Variants in UBE4B observed in about 807,000 individuals in gnomAD.
The protein encoded by UBE4B is ubiquitination factor E4B, also known as ubiquitin conjugation factor E4 B.
UBE4B carries 27 observed loss-of-function variants against 148.1 expected under a neutral mutation model. That is an observed-to-expected ratio of 0.18 (90% confidence interval 0.13 to 0.25). UBE4B has a LOEUF of 0.25. Among genes scored for constraint, UBE4B ranks in the 10% least tolerant of loss-of-function variants. The probability of loss-of-function intolerance (pLI) is 1.00; values close to 1 mark genes in which losing one functional copy is unlikely to be tolerated. For synonymous variants in UBE4B, 596 were observed against 619.3 expected (o/e 0.96, Z 0.56); for missense variants, 1,170 against 1,662.4 (o/e 0.70, Z 5.15).
At chr1:10,066,203 A>G (rs538433428) in intron 1 of UBE4B, among the ~76,000 whole-genome samples, 68 of 151,554 alleles carry the variant, frequency 4.5e-4, no homozygotes, top group Middle Eastern at 6.8e-3. Context: ...TGGTATAATC[A>G]TAGCTCGCTT....
At chr1:10,113,878 A>G (rs770848444) in intron 7 of UBE4B, among the ~76,000 whole-genome samples, 2 of 152,142 alleles carry the variant, frequency 1.3e-5, no homozygotes, top group Non-Finnish European at 2.9e-5. Context: ...CATCCTGGCC[A>G]ACATGGTGAA....
At chr1:10,087,038 A>G (rs1557541117) in intron 2 of UBE4B, among the ~76,000 whole-genome samples, 1 of 152,198 alleles carries the variant, frequency 6.6e-6, no homozygotes, top group African/African-American at 2.4e-5. Flanking sequence ...TGTTGTGGTA[A>G]CAAGGCAAAT....
intron 2 of UBE4B, among the ~76,000 whole-genome samples, chr1:10,091,780 A>G (rs1473472141): frequency 6.6e-6 from 1 of 151,960 alleles, no homozygotes; most frequent in African/African-American, 2.4e-5. Context: ...TAATTTTTGT[A>G]TTTTAGTAGA....
Position 10,105,652 on chromosome 1 carries a change from A to G in UBE4B, c.717A>G (p.Pro239=). Residue 239 remains proline (P), a synonymous_variant, in exon 6 of 28, where the codon CCA becomes CCG. Coordinates refer to ENST00000343090, the MANE Select transcript of UBE4B (RefSeq NM_001105562.3). The part of the protein sequence containing the change: ...SQPIAAAARS[P]DRNLLLNTGS... ...CAATTGCTGCAGCAGCACGGTCACC[A>G]GACAGAAATCTCTTGCTAAACACTG... 1 of 1,614,220 alleles carries G rather than the reference A, an allele frequency of 6.2e-7. No homozygotes were observed. Among genetic ancestry groups the G allele is most frequent in the Non-Finnish European group, 8.5e-7 (1 of 1,180,040 alleles).
At chr1:10,174,870 A>C (rs1157441175) in intron 25 of UBE4B, among the ~76,000 whole-genome samples, 1 of 152,028 alleles carries the variant, frequency 6.6e-6, no homozygotes, top group African/African-American at 2.4e-5. Context: ...GTGCAGAAGG[A>C]TGGATGGTTG....
Position 10,074,779 on chromosome 1 carries a change from G to C in UBE4B, c.211+2565G>C, listed in dbSNP as rs571879623. ...GACTTCTAAATGTTAGGATTCAAGGGCTCAATATTTAACCTCTTGTCCTTT... is the reference window on the plus strand; with the variant it reads ...GACTTCTAAATGTTAGGATTCAAGGCCTCAATATTTAACCTCTTGTCCTTT... On this transcript the variant is annotated intron_variant, in intron 2 of 27. Coordinates refer to ENST00000343090, the MANE Select transcript of UBE4B (RefSeq NM_001105562.3). 2.6e-5 allele frequency among the ~76,000 whole-genome samples: 4 copies of C among 152,220 alleles called. No homozygotes were observed. In the South Asian group the frequency reaches 8.3e-4, roughly 32 times the overall value.
At chr1:10,156,828 T>C (rs1373961016) in intron 21 of UBE4B, among the ~76,000 whole-genome samples, 2 of 152,194 alleles carry the variant, frequency 1.3e-5, no homozygotes, top group Non-Finnish European at 2.9e-5. Context: ...AAATAGCTGT[T>C]TCCTTTTTTG....
At chr1:10,099,772 G>T (rs1644980195) in intron 3 of UBE4B, among the ~76,000 whole-genome samples, 1 of 152,128 alleles carries the variant, frequency 6.6e-6, no homozygotes, top group Non-Finnish European at 1.5e-5. Context: ...CAGACAAATT[G>T]TCTAACAGAA....
rs1256682340 is a variant in UBE4B at position 10,098,235 on chromosome 1, G to C, written c.347+2639G>C. ...TCATGATCAATTTAGGCTTACTTTA[G>C]GAATGCAAGGATGCATTGATATTAG... On this transcript the variant is annotated intron_variant, in intron 3 of 27. Transcript: ENST00000343090. Among the ~76,000 whole-genome samples the C allele has an allele frequency of 2.0e-5, 3 of 152,072 alleles. No individual in the cohort carries two copies. The South Asian group carries it at 6.2e-4, about 32-fold the overall frequency.
chr1:10,043,221 C>T (rs780158455), intron 1 of UBE4B, among the ~76,000 whole-genome samples: 1 of 151,682 alleles, frequency 6.6e-6, no homozygotes, highest in Non-Finnish European at 1.5e-5. Flanking sequence ...GTTGACCAGG[C>T]TGGTCTTGAA....
intron 14 of UBE4B, among the ~76,000 whole-genome samples, chr1:10,131,260 T>A (rs1366214799): frequency 6.6e-6 from 1 of 151,206 alleles, no homozygotes; most frequent in African/African-American, 2.4e-5. Context: ...GTGGATCACC[T>A]GAGGTCAGGA....
chr1:10,162,949 T>C (rs1646189618), intron 23 of UBE4B, among the ~76,000 whole-genome samples: 1 of 152,068 alleles, frequency 6.6e-6, no homozygotes, highest in South Asian at 2.1e-4. Flanking sequence ...TCTTCGCCAA[T>C]CAGCATAGCT....
chr1:10,124,519 G>A (rs1421917143), intron 10 of UBE4B, among the ~76,000 whole-genome samples: 1 of 152,088 alleles, frequency 6.6e-6, no homozygotes, highest in Non-Finnish European at 1.5e-5. Context: ...CCAGAATTCT[G>A]CTGACTTTTC....
intron 2 of UBE4B, among the ~76,000 whole-genome samples, chr1:10,084,714 T>TG (rs959134768): frequency 3.3e-5 from 5 of 151,890 alleles, no homozygotes; most frequent in Admixed American, 6.6e-5. Flanking sequence ...CTTTTTTTTT[T>TG]TGAGATGTCG....
At chr1:10,073,635 G>A (rs1277433098) in intron 2 of UBE4B, among the ~76,000 whole-genome samples, 2 of 152,120 alleles carry the variant, frequency 1.3e-5, no homozygotes, top group Admixed American at 6.6e-5. Flanking sequence ...CATGAGAATT[G>A]CTTAAACCCG....
chr1:10,089,775 C>T (rs903371057), intron 2 of UBE4B, among the ~76,000 whole-genome samples: 1 of 151,512 alleles, frequency 6.6e-6, no homozygotes, highest in Non-Finnish European at 1.5e-5. Context: ...TCTCGGCTCA[C>T]TGCAACCTCT....
rs1644913803 is a variant in UBE4B, at chr1:10,095,326, C to T, written c.212-135C>T. 4.0e-6 allele frequency: 4 copies of T among 1,008,794 alleles called. No individual in the cohort carries two copies. In the Admixed American group the frequency reaches 1.1e-4, roughly 29 times the overall value. 62.5% of individuals were successfully genotyped at this position (1,008,794 alleles called of 1,614,324 possible). On this transcript the variant is annotated intron_variant, in intron 2 of 27. Coordinates refer to ENST00000343090, the MANE Select transcript of UBE4B (RefSeq NM_001105562.3). Reference sequence around the variant, plus strand: ...TATTGTTTCCAGCTTTTTATATAATCTTCTGATAGAAATTCCTCGGTTGCT... The same window carrying T: ...TATTGTTTCCAGCTTTTTATATAATTTTCTGATAGAAATTCCTCGGTTGCT...
rs751020140 is a variant in UBE4B, at chr1:10,057,491, A to T, written c.25-14537A>T. ...GAGTGCAGTGGCGTGATCATGACTC[A>T]CTGCAGCCCCAAACTACTGCACTCA... is the stretch of plus-strand genomic sequence containing the variant. On this transcript the variant is annotated intron_variant, in intron 1 of 27. Transcript: ENST00000343090. Among the ~76,000 whole-genome samples, 92 of 141,542 alleles carry T rather than the reference A, an allele frequency of 6.5e-4. 1 individual carries two copies. The Middle Eastern group carries it at 0.011, about 17-fold the overall frequency. 92.9% of individuals were successfully genotyped at this position (141,542 alleles called of 152,430 possible). A position where few individuals can be genotyped will look rare whatever the true frequency, so the allele number is the denominator to read the frequency against.
At chr1:10,109,059 A>G (rs535407017) in intron 7 of UBE4B, among the ~76,000 whole-genome samples, 102 of 152,162 alleles carry the variant, frequency 6.7e-4, no homozygotes, top group African/African-American at 2.1e-3. Context: ...TTCTCTCCCT[A>G]CTAGGAGGAA....
Sources: gnomAD v4.1 joint callset for allele counts (sites outside exome capture counted in the v4.1 genomes callset) on GRCh38, gnomAD v4.1.1 for gene constraint, MANE v1.5 for transcripts, NCBI Gene and HGNC (gene_info 2026-07-23, HGNC 2026-07-21) for gene names.